Variants in SPMIP2 observed in about 807,000 individuals in gnomAD.
SPMIP2 encodes the protein sperm microtubule inner protein 2.
chr4:159,019,464 G>A, the SPMIP2 span, among the ~76,000 whole-genome samples: 153 of 152,228 alleles, frequency 1.0e-3, no homozygotes, highest in African/African-American at 3.6e-3. Context: ...AAGGAAGTCA[G>A]TAATGGCTTA....
chr4:158,921,445 A>ACCTT, the SPMIP2 span, among the ~76,000 whole-genome samples: 1 of 151,880 alleles, frequency 6.6e-6, no homozygotes, highest in Admixed American at 6.6e-5. Context: ...CCATCTCAAA[A>ACCTT]TTTAAAAAAA....
the SPMIP2 span, among the ~76,000 whole-genome samples, chr4:159,039,206 T>C: frequency 6.6e-6 from 1 of 152,124 alleles, no homozygotes; most frequent in Non-Finnish European, 1.5e-5. Context: ...CCCAAAATAC[T>C]GGAATTACAG....
chr4:158,912,913 G>A, the SPMIP2 span, among the ~76,000 whole-genome samples: 5 of 152,166 alleles, frequency 3.3e-5, no homozygotes, highest in African/African-American at 7.2e-5. Flanking sequence ...GGGTTAAACC[G>A]ACCTCAGGTG....
chr4:159,065,578 C>T, the SPMIP2 span, among the ~76,000 whole-genome samples: 1 of 152,020 alleles, frequency 6.6e-6, no homozygotes. Context: ...ATTAGCCAGG[C>T]GTGGTGGCAT....
the SPMIP2 span, among the ~76,000 whole-genome samples, chr4:158,894,485 A>C: frequency 6.6e-6 from 1 of 152,108 alleles, no homozygotes; most frequent in Non-Finnish European, 1.5e-5. Context: ...AGTTGTCTAA[A>C]TGCTTTGATT....
At chr4:159,048,659 G>GT in the SPMIP2 span, among the ~76,000 whole-genome samples, 2 of 150,090 alleles carry the variant, frequency 1.3e-5, no homozygotes, top group South Asian at 4.2e-4. Context: ...ATGCCTATCA[G>GT]TTTGCAAAGG....
At chr4:158,904,699 T>C in the SPMIP2 span, 122 of 653,100 alleles carry the variant, frequency 1.9e-4, no homozygotes, top group Non-Finnish European at 3.0e-4. Flanking sequence ...GTCAAGCTGA[T>C]GCTTCATTGA....
At chr4:159,035,054 C>G in the SPMIP2 span, 6 of 1,612,974 alleles carry the variant, frequency 3.7e-6, no homozygotes, top group East Asian at 1.1e-4. Flanking sequence ...ATTTGTTTTC[C>G]CACAGTAGTA....
At chr4:158,949,960 C>A in the SPMIP2 span, among the ~76,000 whole-genome samples, 7 of 151,862 alleles carry the variant, frequency 4.6e-5, no homozygotes. Context: ...GTAGTTAATT[C>A]TGGTCCTTTA....
chr4:158,971,750 A>G, the SPMIP2 span, among the ~76,000 whole-genome samples: 1 of 152,240 alleles, frequency 6.6e-6, no homozygotes, highest in African/African-American at 2.4e-5. Context: ...ACAGCCTGTT[A>G]CCTGAGCAAA....
the SPMIP2 span, among the ~76,000 whole-genome samples, chr4:158,935,246 T>C: frequency 6.6e-6 from 1 of 152,184 alleles, no homozygotes; most frequent in Admixed American, 6.5e-5. Flanking sequence ...TGGAATTCCT[T>C]TCCTGCCTCC....
At chr4:158,979,872 G>A in the SPMIP2 span, among the ~76,000 whole-genome samples, 2 of 143,416 alleles carry the variant, frequency 1.4e-5, no homozygotes, top group African/African-American at 5.2e-5. Flanking sequence ...CCTCTGGAAA[G>A]GGGGCTGAAG....
chr4:159,003,330 TCA>T, the SPMIP2 span, among the ~76,000 whole-genome samples: 2 of 152,200 alleles, frequency 1.3e-5, no homozygotes, highest in Non-Finnish European at 2.9e-5. Context: ...TCTCTCAGGC[TCA>T]GTTTCTTTAT....
the SPMIP2 span, among the ~76,000 whole-genome samples, chr4:158,989,669 G>A: frequency 6.6e-6 from 1 of 152,144 alleles, no homozygotes; most frequent in South Asian, 2.1e-4. Context: ...GGGAAAACTG[G>A]CTAGCCATAT....
chr4:159,049,384 T>G, the SPMIP2 span, among the ~76,000 whole-genome samples: 1 of 152,222 alleles, frequency 6.6e-6, no homozygotes, highest in Non-Finnish European at 1.5e-5. Flanking sequence ...GTCTGAAACA[T>G]ATAGATGAGA....
chr4:158,896,779 T>A, the SPMIP2 span, among the ~76,000 whole-genome samples: 1 of 149,872 alleles, frequency 6.7e-6, no homozygotes, highest in East Asian at 1.9e-4. Flanking sequence ...TCTTTGTCGT[T>A]TTTTTTTTTT....
At chr4:159,045,429 T>C in the SPMIP2 span, among the ~76,000 whole-genome samples, 5 of 152,318 alleles carry the variant, frequency 3.3e-5, no homozygotes, top group African/African-American at 1.2e-4. Context: ...CAGCTAACAC[T>C]AAAGTTTCAC....
the SPMIP2 span, among the ~76,000 whole-genome samples, chr4:158,969,871 C>T: frequency 6.6e-6 from 1 of 152,182 alleles, no homozygotes; most frequent in Non-Finnish European, 1.5e-5. Flanking sequence ...ATGTGAGACA[C>T]TGAGGAGTCT....
At chr4:159,007,016 T>A in the SPMIP2 span, 1 of 419,194 alleles carries the variant, frequency 2.4e-6, no homozygotes, top group Non-Finnish European at 4.6e-6. Flanking sequence ...AATATTGTCC[T>A]GTGAAAGTTT....
Sources: gnomAD v4.1 joint callset for allele counts (sites outside exome capture counted in the v4.1 genomes callset) on GRCh38, gnomAD v4.1.1 for gene constraint, MANE v1.5 for transcripts, NCBI Gene and HGNC (gene_info 2026-07-23, HGNC 2026-07-21) for gene names.